The following RASA3 variants were observed in gnomAD, a reference collection of about 807,000 sequenced individuals.
RASA3 encodes the protein RAS p21 protein activator 3.
Under a neutral mutation model 110.0 loss-of-function variants are expected in RASA3, and 73 were observed. That is an observed-to-expected ratio of 0.66 (90% CI 0.55 to 0.81). The LOEUF is 0.81. Among genes scored for constraint, RASA3 ranks in the 30% least tolerant of loss-of-function variants. The pLI, the probability that RASA3 is intolerant of heterozygous loss-of-function variation, is 0.00. For missense variants in RASA3, 976 were observed against 1,113.2 expected, an observed-to-expected ratio of 0.88 and a Z score of 1.75; for synonymous variants, 500 against 451.4, an observed-to-expected ratio of 1.11 and a Z score of -1.37.
intron 2 of RASA3, among the ~76,000 whole-genome samples, chr13:114,061,075 G>A (rs538782757): frequency 2.0e-5 from 3 of 152,204 alleles, no homozygotes; most frequent in Non-Finnish European, 2.9e-5. Context: ...TCTTCTTCCC[G>A]AGACCTCGCA....
intron 20 of RASA3, 88 bp from the exon 21 acceptor site, chr13:113,996,827 G>T: frequency 8.2e-7 from 1 of 1,221,172 alleles, no homozygotes; most frequent in Non-Finnish European, 1.2e-6. Context: ...GGCCGTCCTC[G>T]CCGGAGTCGT....
At chr13:114,002,961 A>C (rs1005405222) in intron 18 of RASA3, among the ~76,000 whole-genome samples, 2 of 152,246 alleles carry the variant, frequency 1.3e-5, no homozygotes, top group African/African-American at 4.8e-5. Flanking sequence ...GTGAGGACAC[A>C]CACAGCCCTG....
rs1566488806 is a variant in RASA3, at chr13:114,020,027, CCTGTCAGGTGGGTGGAGCCTGTGT to C, written c.786-1132_786-1109del. Among the ~76,000 whole-genome samples the C allele has an allele frequency of 4.3e-4, 19 of 43,810 alleles. 6 individuals carry two copies. Among genetic ancestry groups the C allele is most frequent in the East Asian group, 2.0e-3 (3 of 1,464 alleles). The allele number at this position is 43,810 out of a possible 152,430, so 28.7% of individuals were successfully genotyped here. A position where few individuals can be genotyped will look rare whatever the true frequency, so the allele number is the denominator to read the frequency against. On this transcript the variant is annotated intron_variant, in intron 9 of 23. Coordinates refer to ENST00000334062, the MANE Select transcript of RASA3 (RefSeq NM_007368.4). The stretch of plus-strand genomic sequence containing the variant: ...AGCCTGTGTCCGAGGCATTAGCAGC[CCTGTCAGGTGGGTGGAGCCTGTGT>C]CCGAGGCATTAGCCCCCCTCAGGTG...
rs142630294 is a variant in RASA3 at position 114,024,329 on chromosome 13, C to G, written c.630G>C (p.Lys210Asn). 6.2e-7 allele frequency: 1 copy of G among 1,613,940 alleles called. No individual in the cohort carries two copies. The highest frequency in any genetic ancestry group is 8.5e-7 in the Non-Finnish European group (1 of 1,179,924). Reference sequence around the variant, plus strand: ...CCTCCTCAAAGTCAAAGTGGGACTTCTTGCTGTAGCTACAGGGCCGGGTCA... The same window carrying G: ...CCTCCTCAAAGTCAAAGTGGGACTTGTTGCTGTAGCTACAGGGCCGGGTCA... The part of the protein sequence containing the change: ...FEVTRPCSYS[K>N]KSHFDFEEED... Residue 210 changes from lysine (K) to asparagine (N), a missense_variant, in exon 8 of 24, where the codon AAG becomes AAC. This residue lies in a region of RASA3 where 732 missense variants were observed against 779.7 expected (regional missense o/e 0.94). Coordinates refer to ENST00000334062, the MANE Select transcript of RASA3 (RefSeq NM_007368.4).
intron 4 of RASA3, among the ~76,000 whole-genome samples, chr13:114,040,382 G>A (rs879727765): frequency 2.1e-4 from 3 of 14,578 alleles, no homozygotes; most frequent in Admixed American, 6.3e-4. Flanking sequence ...GAGCACAAGC[G>A]GGCGAACACG....
intron 12 of RASA3, 148 bp downstream of exon 12, chr13:114,017,089 T>C: frequency 2.9e-6 from 2 of 691,946 alleles, no homozygotes; most frequent in Non-Finnish European, 5.1e-6. Context: ...TTGATAAAAG[T>C]GAATGAATCA....
intron 23 of RASA3, among the ~76,000 whole-genome samples, chr13:113,980,328 T>C (rs2052898062): frequency 7.6e-6 from 1 of 130,780 alleles, no homozygotes; most frequent in South Asian, 2.6e-4. Flanking sequence ...GTCTGTGCCT[T>C]CTCCCACATG....
At chr13:114,004,703 G>A (rs865984579) in intron 18 of RASA3, among the ~76,000 whole-genome samples, 6 of 152,184 alleles carry the variant, frequency 3.9e-5, no homozygotes, top group African/African-American at 1.2e-4. Flanking sequence ...GGAAATTAGC[G>A]CTTAAGGAAA....
At chr13:114,072,222 C>G (rs887109308) in intron 2 of RASA3, among the ~76,000 whole-genome samples, 1 of 152,204 alleles carries the variant, frequency 6.6e-6, no homozygotes, top group Non-Finnish European at 1.5e-5. Flanking sequence ...CATCCCACCC[C>G]GTGCCATGTC....
At position 114,029,819 on chromosome 13, in the gene RASA3, G is replaced by T. The variant is rs1029478638; in HGVS notation, c.441C>A (p.Leu147=). Residue 147 remains leucine (L), a synonymous_variant, in exon 5 of 24, where the codon CTC becomes CTA. Transcript: ENST00000334062. The stretch of plus-strand genomic sequence containing the variant: ...GTGAGGACGTGTCTTACCGTGTGGC[G>T]AGCTTGTGGCAGACGACCCCAGTGT... ...ITDTGVVCHK[L]ATRIVECQGL... is the part of the protein sequence containing the mutation. The T allele has an allele frequency of 6.3e-7, 1 of 1,592,348 alleles. No individual in the cohort carries two copies. The highest frequency in any genetic ancestry group is 1.1e-5 in the South Asian group (1 of 87,474).
intron 1 of RASA3, among the ~76,000 whole-genome samples, chr13:114,130,111 A>G (rs566135073): frequency 6.6e-5 from 10 of 152,326 alleles, no homozygotes; most frequent in African/African-American, 1.9e-4. Flanking sequence ...CCAGCAGCAC[A>G]GTTACATGAG....
intron 8 of RASA3, among the ~76,000 whole-genome samples, chr13:114,022,167 C>T (rs1023989764): frequency 2.0e-5 from 3 of 152,164 alleles, no homozygotes; most frequent in African/African-American, 7.2e-5. Context: ...GCACGGTCCA[C>T]GAATCTCCGT....
At chr13:113,991,834 CCTCAT>C (rs1296882610) in intron 22 of RASA3, among the ~76,000 whole-genome samples, 6 of 151,832 alleles carry the variant, frequency 4.0e-5, no homozygotes, top group Admixed American at 1.3e-4. Context: ...TCACACGTGC[CCTCAT>C]GTTTCCACAC....
At chr13:114,037,795 C>T (rs968597128) in intron 4 of RASA3, among the ~76,000 whole-genome samples, 3 of 152,220 alleles carry the variant, frequency 2.0e-5, no homozygotes, top group Non-Finnish European at 2.9e-5. Context: ...ACTGCACAAA[C>T]GTCGGCGTCC....
intron 4 of RASA3, among the ~76,000 whole-genome samples, chr13:114,036,828 C>T (rs1222747589): frequency 6.6e-6 from 1 of 152,134 alleles, no homozygotes; most frequent in African/African-American, 2.4e-5. Flanking sequence ...TGAGCCACCG[C>T]GCCCAGCCTG....
chr13:114,119,609 C>T (rs376709563), intron 1 of RASA3, among the ~76,000 whole-genome samples: 3 of 81,366 alleles, frequency 3.7e-5, no homozygotes, highest in South Asian at 5.5e-4. Flanking sequence ...TCCAGCCAGG[C>T]GTCGATCAGG....
chr13:114,070,685 C>T (rs1214981262), intron 2 of RASA3, among the ~76,000 whole-genome samples: 3 of 145,996 alleles, frequency 2.1e-5, no homozygotes, highest in East Asian at 4.2e-4. Flanking sequence ...GCAGGGCTGC[C>T]GGCGTCCACG....
chr13:114,001,242 C>A lies in RASA3; in HGVS notation c.1743-310G>T, dbSNP rs559493621. Among the ~76,000 whole-genome samples, 6 of 152,348 alleles carry A rather than the reference C, an allele frequency of 3.9e-5. No individual in the cohort carries two copies. In the South Asian group the frequency reaches 1.2e-3, roughly 32 times the overall value. On this transcript the variant is annotated intron_variant, in intron 18 of 23. Coordinates refer to ENST00000334062, the MANE Select transcript of RASA3 (RefSeq NM_007368.4). ...CCACTGGAAATGCCAATGCGATGCT[C>A]CCACGGCGGACCTGCGGCCGTGGGC...
chr13:114,051,174 C>T (rs867673424), intron 3 of RASA3, among the ~76,000 whole-genome samples: 4 of 152,304 alleles, frequency 2.6e-5, no homozygotes, highest in South Asian at 4.1e-4. Context: ...CTCCTCCTCT[C>T]GCCCTGTCCC....
Sources: allele counts gnomAD v4.1 joint callset (sites outside exome capture counted in the v4.1 genomes callset), GRCh38; gene constraint gnomAD v4.1.1; regional missense constraint gnomAD v4.1.1; transcripts MANE v1.5; gene names NCBI Gene and HGNC (gene_info 2026-07-23, HGNC 2026-07-21).